The following NAV3 variants were observed in gnomAD, a reference collection of about 807,000 sequenced individuals.
The protein encoded by NAV3 is neuron navigator 3.
A neutral mutation model predicts 244.7 loss-of-function variants in NAV3; 87 were observed. The observed-to-expected ratio is 0.36, with a 90% CI of 0.30 to 0.42. The LOEUF is 0.42. Ranked by LOEUF, NAV3 falls within the 20% of genes least tolerant of loss-of-function variation. NAV3 has a pLI of 1.00. For synonymous variants in NAV3, 1,126 were observed against 1,042.2 expected (o/e 1.08, Z -1.55); for missense variants, 2,663 against 2,893.3 (o/e 0.92, Z 1.83).
chr12:78,042,057 CCCT>C (rs1367409037), intron 9 of NAV3, among the ~76,000 whole-genome samples: 2 of 152,094 alleles, frequency 1.3e-5, no homozygotes, highest in African/African-American at 2.4e-5. Context: ...CATTCCAATT[CCCT>C]CCTCCTTTCT....
At chr12:78,199,281 G>A (rs1959365939) in intron 36 of NAV3, 54 bp from the exon 37 acceptor site, 2 of 1,232,750 alleles carry the variant, frequency 1.6e-6, no homozygotes, top group Admixed American at 2.2e-5. Flanking sequence ...AAGAATCACT[G>A]TGAATGTAAA....
At chr12:77,686,991 A>G (rs1028652718) in intron 2 of NAV3, among the ~76,000 whole-genome samples, 2 of 152,134 alleles carry the variant, frequency 1.3e-5, no homozygotes, top group African/African-American at 4.8e-5. Context: ...TTTCCATAAC[A>G]ATCTTTACAT....
At position 77,689,182 on chromosome 12, in the gene NAV3, C is replaced by T. The variant is rs181791000; in HGVS notation, c.72+116916C>T. 6.6e-5 allele frequency among the ~76,000 whole-genome samples: 10 copies of T among 152,042 alleles called. No individual in the cohort carries two copies. The East Asian group carries it at 9.7e-4, about 15-fold the overall frequency. ...TAAAAACATTTCCTGCTGAAATTGC[C>T]TCTTTTCCAGAGCAAAATATGTTAT... On this transcript the variant is annotated intron_variant, in intron 2 of 8. Transcript: ENST00000550042.
intron 2 of NAV3, among the ~76,000 whole-genome samples, chr12:77,649,182 A>G (rs1872720767): frequency 6.6e-6 from 1 of 152,172 alleles, no homozygotes; most frequent in African/African-American, 2.4e-5. Context: ...TCATTCACTT[A>G]TTCAACCAAT....
intron 23 of NAV3, among the ~76,000 whole-genome samples, chr12:78,162,961 T>C (rs1370910370): frequency 7.3e-6 from 1 of 136,180 alleles, no homozygotes; most frequent in Non-Finnish European, 1.5e-5. Flanking sequence ...GTAATTTATA[T>C]ATATAATATA....
chr12:77,979,098 G>A (rs905678620), intron 5 of NAV3, among the ~76,000 whole-genome samples: 7 of 151,034 alleles, frequency 4.6e-5, no homozygotes, highest in Non-Finnish European at 8.8e-5. Context: ...TAATTGTCTG[G>A]GCATGATAGC....
intron 2 of NAV3, among the ~76,000 whole-genome samples, chr12:77,757,280 A>G (rs1869230630): frequency 6.6e-6 from 1 of 152,174 alleles, no homozygotes; most frequent in Non-Finnish European, 1.5e-5. Context: ...AGTTAGTCAC[A>G]TAGTCAAGCC....
intron 5 of NAV3, among the ~76,000 whole-genome samples, chr12:77,982,005 A>G (rs1869655235): frequency 6.6e-6 from 1 of 152,320 alleles, no homozygotes; most frequent in East Asian, 1.9e-4. Context: ...ATGATTTTCT[A>G]TAAAATTTCT....
chr12:77,582,555 T>G (rs376621745), intron 2 of NAV3, among the ~76,000 whole-genome samples: 108 of 152,334 alleles, frequency 7.1e-4, no homozygotes, highest in East Asian at 1.9e-3. Flanking sequence ...GAAAATGTAT[T>G]GTAGAAACCC....
chr12:77,729,492 GA>G (rs1180284410), intron 2 of NAV3, among the ~76,000 whole-genome samples: 2 of 151,916 alleles, frequency 1.3e-5, no homozygotes, highest in Non-Finnish European at 2.9e-5. Flanking sequence ...AAAGGCATGG[GA>G]AAAGGAGGAA....
intron 2 of NAV3, among the ~76,000 whole-genome samples, chr12:77,717,954 TC>T (rs1220667880): frequency 1.3e-5 from 2 of 152,312 alleles, no homozygotes; most frequent in East Asian, 3.9e-4. Context: ...TTGTAGGAGT[TC>T]TTTATATATT....
At position 78,118,136 on chromosome 12, in the gene NAV3, AGTG is replaced by A; in HGVS notation, c.2881_2883del (p.Trp961del). ...GACAGCCATGGGGATGCTGGTGGCAAGTGGAAGACTGTGTCCTCTGGACTTCCT... is the reference window on the plus strand; with the variant it reads ...GACAGCCATGGGGATGCTGGTGGCAAGAAGACTGTGTCCTCTGGACTTCCT... On this transcript the variant is annotated inframe_deletion, in exon 14 of 40. Transcript: ENST00000397909. 6.2e-7 allele frequency: 1 copy of A among 1,614,028 alleles called. No homozygotes were observed. Among genetic ancestry groups the A allele is most frequent in the Non-Finnish European group, 8.5e-7 (1 of 1,179,998 alleles).
chr12:77,883,044 T>C (rs554908579), intron 1 of NAV3, among the ~76,000 whole-genome samples: 1 of 152,218 alleles, frequency 6.6e-6, no homozygotes, highest in East Asian at 1.9e-4. Flanking sequence ...TCAAAGAACT[T>C]AAAACAGAGC....
chr12:78,158,432 T>G (rs556214202), intron 22 of NAV3, among the ~76,000 whole-genome samples: 2 of 152,278 alleles, frequency 1.3e-5, no homozygotes, highest in South Asian at 2.1e-4. Context: ...TTTTGAGCTT[T>G]AATAAAATCG....
At chr12:77,662,235 A>G (rs1399530880) in intron 2 of NAV3, among the ~76,000 whole-genome samples, 1 of 151,350 alleles carries the variant, frequency 6.6e-6, no homozygotes, top group African/African-American at 2.4e-5. Flanking sequence ...CTGTCTATCT[A>G]TCTATCTATC....
intron 28 of NAV3, among the ~76,000 whole-genome samples, chr12:78,179,078 G>T (rs754281955): frequency 1.6e-4 from 24 of 151,928 alleles, no homozygotes; most frequent in Non-Finnish European, 2.9e-4. Context: ...CAGTATTGTG[G>T]CAAAGCTTTT....
chr12:77,978,182 C>T (rs1868865644), intron 5 of NAV3, among the ~76,000 whole-genome samples: 1 of 152,118 alleles, frequency 6.6e-6, no homozygotes, highest in Non-Finnish European at 1.5e-5. Flanking sequence ...ATGAGATTAA[C>T]TCTTAATTTA....
chr12:77,789,194 C>T (rs1871054968), intron 2 of NAV3, among the ~76,000 whole-genome samples: 1 of 152,180 alleles, frequency 6.6e-6, no homozygotes, highest in Non-Finnish European at 1.5e-5. Flanking sequence ...AAATTCTCTA[C>T]TTCTTTGCCA....
intron 16 of NAV3, among the ~76,000 whole-genome samples, chr12:78,126,656 C>T (rs1158113873): frequency 6.6e-6 from 1 of 152,096 alleles, no homozygotes; most frequent in Non-Finnish European, 1.5e-5. Context: ...TTTAAGCAAA[C>T]ATTCATATAT....
Sources: gnomAD v4.1 joint callset for allele counts (sites outside exome capture counted in the v4.1 genomes callset) on GRCh38, gnomAD v4.1.1 for gene constraint, MANE v1.5 for transcripts, NCBI Gene and HGNC (gene_info 2026-07-23, HGNC 2026-07-21) for gene names.